Variants in USP34 observed in about 807,000 individuals in gnomAD.
The protein encoded by USP34 is ubiquitin specific peptidase 34.
A neutral mutation model predicts 460.3 loss-of-function variants in USP34; 70 were observed. The observed-to-expected ratio is 0.15, with a 90% CI of 0.13 to 0.19. USP34 has a LOEUF of 0.19. USP34 is among the 10% of genes least tolerant of loss of function. The pLI, the probability that USP34 is intolerant of heterozygous loss-of-function variation, is 1.00. For missense variants in USP34, 3,985 were observed against 4,236.2 expected (o/e 0.94, Z 1.65); for synonymous variants, 1,647 against 1,405.3 (o/e 1.17, Z -3.85).
intron 11 of USP34, 80 bp from the exon 12 acceptor site, chr2:61,350,469 A>G: frequency 6.4e-7 from 1 of 1,568,576 alleles, no homozygotes; most frequent in Non-Finnish European, 8.6e-7. Flanking sequence ...GTCAAACTGA[A>G]ATGCCAAGAC....
chr2:61,397,082 AGAAT>A (rs1172146208), intron 3 of USP34, among the ~76,000 whole-genome samples: 1 of 152,170 alleles, frequency 6.6e-6, no homozygotes, highest in African/African-American at 2.4e-5. Context: ...TTTTGAGAAG[AGAAT>A]GAAGAAAAAA....
At chr2:61,313,069 CTAAG>C (rs1017284428) in intron 25 of USP34, among the ~76,000 whole-genome samples, 2 of 151,750 alleles carry the variant, frequency 1.3e-5, no homozygotes, top group Non-Finnish European at 2.9e-5. Flanking sequence ...TGAAAAATAC[CTAAG>C]TAAATTTTTT....
At chr2:61,243,111 G>A (rs538461396) in intron 51 of USP34, among the ~76,000 whole-genome samples, 5 of 151,938 alleles carry the variant, frequency 3.3e-5, no homozygotes, top group Non-Finnish European at 7.4e-5. Flanking sequence ...CTCCCAAAGT[G>A]CTGAGATTAC....
At chr2:61,432,164 A>T (rs1269013011) in intron 1 of USP34, among the ~76,000 whole-genome samples, 2 of 149,114 alleles carry the variant, frequency 1.3e-5, no homozygotes, top group African/African-American at 5.0e-5. Context: ...CTTAGACAGA[A>T]CCCACCGTTT....
intron 41 of USP34, among the ~76,000 whole-genome samples, chr2:61,270,694 C>T (rs1250816933): frequency 6.6e-6 from 1 of 152,120 alleles, no homozygotes; most frequent in Admixed American, 6.5e-5. Flanking sequence ...CCTTGGCCTC[C>T]CAATGTGCTG....
At chr2:61,468,356 T>G (rs1695848755) in intron 1 of USP34, among the ~76,000 whole-genome samples, 1 of 152,186 alleles carries the variant, frequency 6.6e-6, no homozygotes, top group Admixed American at 6.5e-5. Flanking sequence ...GCTAATTTTG[T>G]ATTTTGAGTA....
At chr2:61,254,236 T>G (rs1439346781) in intron 48 of USP34, among the ~76,000 whole-genome samples, 2 of 152,344 alleles carry the variant, frequency 1.3e-5, no homozygotes, top group African/African-American at 4.8e-5. Context: ...CCTCCCAGTT[T>G]GGGGGTTACC....
intron 21 of USP34, among the ~76,000 whole-genome samples, chr2:61,323,166 G>A (rs182254465): frequency 6.6e-6 from 1 of 152,164 alleles, no homozygotes; most frequent in African/African-American, 2.4e-5. Flanking sequence ...GATCGCTTGA[G>A]TCCATGAGTT....
At chr2:61,450,338 T>TA (rs1302249027) in intron 1 of USP34, among the ~76,000 whole-genome samples, 7 of 152,180 alleles carry the variant, frequency 4.6e-5, no homozygotes, top group Admixed American at 3.9e-4. Flanking sequence ...ATTGAGGTGA[T>TA]AAAGTGTTCT....
At chr2:61,372,794 G>A (rs1006214628) in intron 8 of USP34, among the ~76,000 whole-genome samples, 2 of 152,066 alleles carry the variant, frequency 1.3e-5, no homozygotes, top group African/African-American at 2.4e-5. Context: ...ACCACTATTC[G>A]GAGGTCTGAA....
chr2:61,413,376 T>G (rs1694099949), intron 2 of USP34, among the ~76,000 whole-genome samples: 1 of 150,988 alleles, frequency 6.6e-6, no homozygotes, highest in Admixed American at 6.6e-5. Context: ...GGCAATACAG[T>G]GAGACTCAGT....
At chr2:61,269,147 A>C (rs761754833) in intron 41 of USP34, among the ~76,000 whole-genome samples, 1 of 152,056 alleles carries the variant, frequency 6.6e-6, no homozygotes, top group Non-Finnish European at 1.5e-5. Flanking sequence ...TTAGGAAAAA[A>C]TTTAGCTAAG....
Position 61,281,230 on chromosome 2 carries a change from G to A in USP34, c.5011C>T (p.His1671Tyr), listed in dbSNP as rs1689526895. The change falls in exon 38 of 80, where the codon CAT becomes TAT. Residue 1671 changes from histidine to tyrosine, a missense_variant. Physicochemically the swap from His to Tyr is moderately conservative, Grantham distance 83 (BLOSUM62 2). This residue lies in a region of USP34 where 1,114 missense variants were observed against 1,122.5 expected (regional missense o/e 0.99). Transcript: ENST00000398571. ...TTATAGAGACCACTGCATGATTCAT[G>A]ACGAACTGCAGTCTAGATGAAAAAG... ...TLLIPETAVR[H>Y]ESCSGLYKLS... 4 of 1,612,968 alleles carry A rather than the reference G, an allele frequency of 2.5e-6. No individual in the cohort carries two copies. The highest frequency in any genetic ancestry group is 3.4e-6 in the Non-Finnish European group (4 of 1,179,576).
intron 48 of USP34, among the ~76,000 whole-genome samples, chr2:61,249,499 G>A (rs569935114): frequency 2.0e-5 from 3 of 152,360 alleles, no homozygotes; most frequent in East Asian, 3.9e-4. Flanking sequence ...GACCTTGCCT[G>A]TCTGCAGGTA....
In USP34 at chr2:61,188,514, C is replaced by G; in HGVS notation, c.10229G>C (p.Ser3410Thr). 6.2e-7 allele frequency: 1 copy of G among 1,614,168 alleles called. No individual in the cohort carries two copies. Among genetic ancestry groups the G allele is most frequent in the South Asian group, 1.1e-5 (1 of 91,078 alleles). The change falls in exon 80 of 80, where the codon AGT (serine) becomes ACT (threonine). Residue 3410 changes from serine to threonine, a missense_variant. Ser to Thr is a moderately conservative substitution (Grantham distance 58). Around this residue, in one of 14 missense-constraint regions of USP34, gnomAD observed 506 missense variants for 439.0 expected, o/e 1.15. Transcript: ENST00000398571. Reference sequence around the variant, plus strand: ...TTCCATTCGGTATTCTTTAACAGAACTATTTTCAGGGGAAGGAAGATCTTG... The same window carrying G: ...TTCCATTCGGTATTCTTTAACAGAAGTATTTTCAGGGGAAGGAAGATCTTG... ...TEQDLPSPEN[S>T]SVKEYRMEVP...
At chr2:61,398,508 G>A (rs1362674570) in intron 3 of USP34, among the ~76,000 whole-genome samples, 1 of 138,630 alleles carries the variant, frequency 7.2e-6, no homozygotes, top group Non-Finnish European at 1.5e-5. Flanking sequence ...GGCGGAAGCA[G>A]GGGAAGGAGG....
At chr2:61,426,700 G>A (rs1262834098) in intron 1 of USP34, among the ~76,000 whole-genome samples, 1 of 152,190 alleles carries the variant, frequency 6.6e-6, no homozygotes, top group Non-Finnish European at 1.5e-5. Context: ...CAGCACCAGG[G>A]CCTTCAGCAA....
chr2:61,378,271 TA>T, intron 8 of USP34, 91 bp downstream of exon 8: 2 of 944,416 alleles, frequency 2.1e-6, no homozygotes, highest in Non-Finnish European at 3.2e-6. Context: ...GAATTTCTAG[TA>T]AAAATTTTAA....
chr2:61,344,302 T>C (rs1691694333), intron 15 of USP34, among the ~76,000 whole-genome samples: 1 of 152,204 alleles, frequency 6.6e-6, no homozygotes, highest in Admixed American at 6.5e-5. Context: ...AGATCACTAA[T>C]ACTCACTGTT....
Sources: allele counts gnomAD v4.1 joint callset (sites outside exome capture counted in the v4.1 genomes callset), GRCh38; gene constraint gnomAD v4.1.1; regional missense constraint gnomAD v4.1.1; transcripts MANE v1.5; gene names NCBI Gene and HGNC (gene_info 2026-07-23, HGNC 2026-07-21).